The following ITPRID1 variants were observed in gnomAD, a reference collection of about 807,000 sequenced individuals.
ITPRID1 encodes the protein protein ITPRID1.
ITPRID1 carries 96 observed loss-of-function variants against 95.4 expected under a neutral mutation model. The observed-to-expected ratio is 1.01, with a 90% CI of 0.85 to 1.19. The LOEUF (loss-of-function observed/expected upper bound fraction) is 1.19, where lower values mean the gene tolerates loss of function less well. ITPRID1 is among the 50% of genes most tolerant of loss of function. ITPRID1 has a pLI of 0.00. For missense variants in ITPRID1, 1,339 were observed against 1,252.9 expected (o/e 1.07, Z -1.04); for synonymous variants, 510 against 453.6 (o/e 1.12, Z -1.58).
intron 1 of ITPRID1, among the ~76,000 whole-genome samples, chr7:31,540,094 C>G (rs779425940): frequency 6.6e-6 from 1 of 152,084 alleles, no homozygotes; most frequent in Non-Finnish European, 1.5e-5. Context: ...ATAAAAAGGA[C>G]GAGCAGTGGT....
At chr7:31,525,484 T>C (rs1010236555) in intron 1 of ITPRID1, among the ~76,000 whole-genome samples, 6 of 152,166 alleles carry the variant, frequency 3.9e-5, no homozygotes, top group African/African-American at 1.4e-4. Flanking sequence ...TGAGACTCCA[T>C]GGTATAGTAA....
chr7:31,554,573 C>A, intron 4 of ITPRID1, 50 bp downstream of exon 4: 2 of 1,605,028 alleles, frequency 1.2e-6, no homozygotes, highest in South Asian at 1.1e-5. Context: ...TGCAAAGATC[C>A]ATGAAAACAA....
At chr7:31,558,450 A>G (rs1004990208) in intron 5 of ITPRID1, among the ~76,000 whole-genome samples, 3 of 152,144 alleles carry the variant, frequency 2.0e-5, no homozygotes, top group Non-Finnish European at 2.9e-5. Flanking sequence ...TCTGGAGTTC[A>G]ATTCTTTTGA....
intron 9 of ITPRID1, among the ~76,000 whole-genome samples, chr7:31,581,692 G>T (rs1374689055): frequency 6.6e-6 from 1 of 151,848 alleles, no homozygotes; most frequent in East Asian, 1.9e-4. Flanking sequence ...AATACACCTG[G>T]CTTTCATTTT....
rs201230838 is a variant in ITPRID1, at chr7:31,631,716, G to GT, written c.1229-10459dup. On this transcript the variant is annotated intron_variant, in intron 10 of 14. Transcript: ENST00000615280. ...AAAGGAAGGGAAGAATTCCTAGGCT[G>GT]TAAGACCTTGAAACCAAAACCTCAG... 2.0e-5 allele frequency among the ~76,000 whole-genome samples: 3 copies of GT among 152,282 alleles called. No individual in the cohort carries two copies. The East Asian group carries it at 5.8e-4, about 29-fold the overall frequency.
intron 5 of ITPRID1, among the ~76,000 whole-genome samples, chr7:31,562,041 A>AT (rs1235888699): frequency 2.2e-5 from 2 of 92,944 alleles, no homozygotes; most frequent in African/African-American, 3.9e-5. Flanking sequence ...AAAGCTATGT[A>AT]TTTAAAAAAA....
intron 1 of ITPRID1, among the ~76,000 whole-genome samples, chr7:31,519,620 C>CTCTCTCTCTCCA: frequency 5.9e-4 from 15 of 25,268 alleles, no homozygotes; most frequent in East Asian, 6.0e-3. Flanking sequence ...CTCTCTCTCT[C>CTCTCTCTCTCCA]TATATATATA....
At chr7:31,578,724 G>A (rs1326441988) in intron 9 of ITPRID1, among the ~76,000 whole-genome samples, 3 of 152,128 alleles carry the variant, frequency 2.0e-5, no homozygotes, top group Non-Finnish European at 2.9e-5. Context: ...GTACCTGTAT[G>A]TATGCTTTTT....
chr7:31,552,932 C>G, intron 2 of ITPRID1, 70 bp from the exon 3 acceptor site: 1 of 1,456,126 alleles, frequency 6.9e-7, no homozygotes, highest in Admixed American at 2.1e-5. Flanking sequence ...CCTTCTTTCT[C>G]CCTTTCACTG....
chr7:31,520,560 TGTGTGA>T (rs1478640696), intron 1 of ITPRID1, among the ~76,000 whole-genome samples: 41 of 78,796 alleles, frequency 5.2e-4, no homozygotes, highest in East Asian at 1.7e-3. Flanking sequence ...TGTGTGTGTG[TGTGTGA>T]GAGAGAGAGA....
chr7:31,619,663 C>G (rs1787616383), intron 10 of ITPRID1, among the ~76,000 whole-genome samples: 1 of 152,050 alleles, frequency 6.6e-6, no homozygotes. Flanking sequence ...CAGTCTACAG[C>G]CCCCAGCGTG....
rs527311797 is a variant in ITPRID1, at chr7:31,530,932, T to C, written c.-98+16812T>C. Among the ~76,000 whole-genome samples the C allele has an allele frequency of 7.4e-4, 113 of 152,338 alleles. 1 individual carries two copies. Among genetic ancestry groups the C allele is most frequent in the African/African-American group, 2.5e-3 (105 of 41,586 alleles). On this transcript the variant is annotated intron_variant, in intron 1 of 14. Coordinates refer to ENST00000615280, the MANE Select transcript of ITPRID1 (RefSeq NM_001257967.3). ...ACACCAGAGTACTGCCTGATTAGCC[T>C]TGCTCAGAACTTCTCTACAAGTACT...
At chr7:31,597,781 G>A (rs535213475) in intron 10 of ITPRID1, among the ~76,000 whole-genome samples, 1 of 151,992 alleles carries the variant, frequency 6.6e-6, no homozygotes, top group Non-Finnish European at 1.5e-5. Flanking sequence ...TTGCAAGCTT[G>A]TCCTAAAATT....
At chr7:31,560,733 C>T (rs1408709231) in intron 5 of ITPRID1, among the ~76,000 whole-genome samples, 1 of 152,102 alleles carries the variant, frequency 6.6e-6, no homozygotes, top group Non-Finnish European at 1.5e-5. Flanking sequence ...GGCTTTGCTT[C>T]AGAGATAGGA....
intron 10 of ITPRID1, among the ~76,000 whole-genome samples, chr7:31,612,481 G>A (rs1364997541): frequency 6.6e-6 from 1 of 152,048 alleles, no homozygotes; most frequent in Non-Finnish European, 1.5e-5. Flanking sequence ...CTTGAACTTA[G>A]ATATACTCCT....
At chr7:31,645,230 C>T (rs1164723463) in intron 12 of ITPRID1, among the ~76,000 whole-genome samples, 1 of 152,106 alleles carries the variant, frequency 6.6e-6, no homozygotes, top group Non-Finnish European at 1.5e-5. Context: ...GTAGAATTAA[C>T]ATTAGAAAGT....
At chr7:31,563,398 A>C (rs896897395) in intron 5 of ITPRID1, among the ~76,000 whole-genome samples, 5 of 152,036 alleles carry the variant, frequency 3.3e-5, no homozygotes, top group African/African-American at 1.2e-4. Flanking sequence ...AGAGGGAATA[A>C]CACTTGATGT....
At chr7:31,597,753 GTT>G (rs1786149571) in intron 10 of ITPRID1, among the ~76,000 whole-genome samples, 1 of 152,068 alleles carries the variant, frequency 6.6e-6, no homozygotes, top group Admixed American at 6.5e-5. Context: ...ATGCTAATAA[GTT>G]TATTTTTTGT....
Position 31,553,087 on chromosome 7 carries a change from A to G in ITPRID1, c.63A>G (p.Arg21=). 6.2e-7 allele frequency: 1 copy of G among 1,607,282 alleles called. No individual in the cohort carries two copies. ...NLQEGQEKSK[R]EILKCTKSAW... is the part of the protein sequence containing the mutation. ...AGGAAGGCCAGGAAAAGAGCAAGAG[A>G]GAGATCCTGAAGTGCACCAAAAGCG... Residue 21 remains arginine (R), a synonymous_variant, in exon 3 of 15, where the codon AGA becomes AGG. Transcript: ENST00000615280.
Sources: gnomAD v4.1 joint callset for allele counts (sites outside exome capture counted in the v4.1 genomes callset) on GRCh38, gnomAD v4.1.1 for gene constraint, MANE v1.5 for transcripts, NCBI Gene and HGNC (gene_info 2026-07-23, HGNC 2026-07-21) for gene names.